SLIT3: variants seen among roughly 807,000 people sequenced by gnomAD.
SLIT3 encodes slit homolog 3 protein.
A neutral mutation model predicts 184.0 loss-of-function variants in SLIT3; 68 were observed. The ratio of observed to expected loss-of-function variants is 0.37; its 90% CI spans 0.30 to 0.45. The LOEUF (loss-of-function observed/expected upper bound fraction) is 0.45, where lower values mean the gene tolerates loss of function less well. Ranked by LOEUF, SLIT3 falls within the 20% of genes least tolerant of loss-of-function variation. The probability of loss-of-function intolerance (pLI) is 1.00; values close to 1 mark genes in which losing one functional copy is unlikely to be tolerated. For synonymous variants in SLIT3, 831 were observed against 828.6 expected (o/e 1.00, Z -0.05); for missense variants, 1,707 against 2,026.0 (o/e 0.84, Z 3.02).
chr5:168,727,069 C>CAGCACTTT (rs1271123852), intron 20 of SLIT3, among the ~76,000 whole-genome samples: 2 of 151,240 alleles, frequency 1.3e-5, no homozygotes. Context: ...CTTGTAATCC[C>CAGCACTTT]AGCACTTTGG....
intron 20 of SLIT3, among the ~76,000 whole-genome samples, chr5:168,741,271 C>T (rs1240695157): frequency 6.6e-6 from 1 of 152,070 alleles, no homozygotes; most frequent in Non-Finnish European, 1.5e-5. Flanking sequence ...GAGATTGAGA[C>T]CATCCTGGCT....
chr5:168,936,289 C>T (rs1762155554), intron 4 of SLIT3, among the ~76,000 whole-genome samples: 1 of 152,156 alleles, frequency 6.6e-6, no homozygotes, highest in Admixed American at 6.5e-5. Flanking sequence ...GGCTGGAGTT[C>T]AGTGGTGCAA....
At chr5:169,203,876 T>C (rs1039731150) in intron 3 of SLIT3, among the ~76,000 whole-genome samples, 1 of 151,766 alleles carries the variant, frequency 6.6e-6, no homozygotes, top group Admixed American at 6.6e-5. Context: ...GAGCAGGGGG[T>C]TGGGGGCAGA....
chr5:168,952,550 A>AAAAAAAAAAAAAAG (rs59047961), intron 4 of SLIT3, among the ~76,000 whole-genome samples: 1 of 128,004 alleles, frequency 7.8e-6, no homozygotes, highest in African/African-American at 3.5e-5. Context: ...AAAAAAAAAG[A>AAAAAAAAAAAAAAG]GGGGAGAAGG....
intron 4 of SLIT3, among the ~76,000 whole-genome samples, chr5:168,981,763 A>G (rs143417865): frequency 4.6e-5 from 7 of 152,342 alleles, no homozygotes; most frequent in Non-Finnish European, 8.8e-5. Flanking sequence ...GGTTTGAATT[A>G]ATGTAAAGCA....
At chr5:169,068,358 TAGACTGGTTA>T (rs1758428770) in intron 4 of SLIT3, among the ~76,000 whole-genome samples, 1 of 152,102 alleles carries the variant, frequency 6.6e-6, no homozygotes, top group African/African-American at 2.4e-5. Flanking sequence ...CTTTGGGAAA[TAGACTGGTTA>T]AGAATTTTTC....
At chr5:168,701,540 A>T (rs1320868121) in intron 26 of SLIT3, among the ~76,000 whole-genome samples, 1 of 152,160 alleles carries the variant, frequency 6.6e-6, no homozygotes, top group East Asian at 1.9e-4. Flanking sequence ...AGGCAGCAGG[A>T]GCAGTGAGGG....
At chr5:169,210,754 G>A (rs534469528) in intron 3 of SLIT3, among the ~76,000 whole-genome samples, 1 of 151,006 alleles carries the variant, frequency 6.6e-6, no homozygotes, top group Non-Finnish European at 1.5e-5. Flanking sequence ...GTGGCAAATG[G>A]GATGAAGACA....
chr5:169,142,457 G>A (rs1292100709), intron 4 of SLIT3, among the ~76,000 whole-genome samples: 1 of 152,132 alleles, frequency 6.6e-6, no homozygotes, highest in Non-Finnish European at 1.5e-5. Flanking sequence ...AAATCACTCA[G>A]GTGTTGGGTC....
chr5:168,775,403 C>T (rs747007802), intron 12 of SLIT3, among the ~76,000 whole-genome samples: 4 of 152,160 alleles, frequency 2.6e-5, no homozygotes, highest in Non-Finnish European at 4.4e-5. Context: ...ACCCTCTTTA[C>T]CTTCTTTCAG....
intron 4 of SLIT3, among the ~76,000 whole-genome samples, chr5:169,151,684 G>A (rs1348817852): frequency 2.0e-5 from 3 of 152,222 alleles, no homozygotes; most frequent in East Asian, 1.9e-4. Flanking sequence ...GGCTTGTGAT[G>A]AGAGCAAGCC....
chr5:168,862,684 T>A (rs1188434864), intron 5 of SLIT3, among the ~76,000 whole-genome samples: 1 of 146,554 alleles, frequency 6.8e-6, no homozygotes, highest in African/African-American at 2.7e-5. Context: ...TGTTGTTTTT[T>A]TTTTTGTGAG....
intron 26 of SLIT3, among the ~76,000 whole-genome samples, chr5:168,706,065 C>T (rs1041136479): frequency 4.6e-5 from 7 of 152,170 alleles, no homozygotes; most frequent in African/African-American, 9.7e-5. Context: ...ACTGAAGTTT[C>T]TTGGCAGTTC....
chr5:169,073,676 GT>G (rs1476805652), intron 4 of SLIT3, among the ~76,000 whole-genome samples: 2 of 151,978 alleles, frequency 1.3e-5, no homozygotes, highest in East Asian at 3.9e-4. Context: ...CTTGCCCTGA[GT>G]TTACCTGAGA....
chr5:168,800,013 T>A (rs1222772915), intron 9 of SLIT3, among the ~76,000 whole-genome samples: 1 of 152,088 alleles, frequency 6.6e-6, no homozygotes, highest in East Asian at 1.9e-4. Context: ...CTCTTTCCCA[T>A]CTCTCTCAGC....
At chr5:169,288,177 A>G (rs1767222298) in intron 1 of SLIT3, among the ~76,000 whole-genome samples, 1 of 152,136 alleles carries the variant, frequency 6.6e-6, no homozygotes, top group South Asian at 2.1e-4. Context: ...CATGGCCTCA[A>G]ATGCTGCTGT....
intron 4 of SLIT3, among the ~76,000 whole-genome samples, chr5:169,164,924 C>G (rs1211417327): frequency 1.3e-5 from 2 of 152,254 alleles, no homozygotes; most frequent in East Asian, 3.9e-4. Context: ...CCGTTGGATG[C>G]CTGGGCTTCA....
At chr5:169,177,412 G>C (rs61626079) in intron 4 of SLIT3, among the ~76,000 whole-genome samples, 1,604 of 152,280 alleles carry the variant, frequency 0.011, 35 homozygotes, top group African/African-American at 0.036. Context: ...AGATATTATT[G>C]AAGTCCCTCA....
intron 6 of SLIT3, among the ~76,000 whole-genome samples, chr5:168,832,706 T>C (rs1373168727): frequency 6.6e-6 from 1 of 152,160 alleles, no homozygotes; most frequent in Non-Finnish European, 1.5e-5. Context: ...TATGCTGGAA[T>C]GGGGGTGCAG....
Sources: allele counts gnomAD v4.1 joint callset (sites outside exome capture counted in the v4.1 genomes callset), GRCh38; gene constraint gnomAD v4.1.1; transcripts MANE v1.5; gene names NCBI Gene and HGNC (gene_info 2026-07-23, HGNC 2026-07-21).